Variants in CEP290 observed in about 807,000 individuals in gnomAD.
The protein encoded by CEP290 is centrosomal protein of 290 kDa.
In CEP290, 317 loss-of-function variants were observed where a neutral mutation model predicts 344.9. The observed-to-expected ratio is 0.92, with a 90% confidence interval of 0.84 to 1.01. CEP290 has a LOEUF of 1.01. CEP290 is among the 50% of genes least tolerant of loss of function. The probability of loss-of-function intolerance (pLI) is 0.00; values close to 1 mark genes in which losing one functional copy is unlikely to be tolerated. For missense variants in CEP290, 2,754 were observed against 2,761.4 expected (o/e 1.00, Z 0.06); for synonymous variants, 932 against 895.8 (o/e 1.04, Z -0.72).
Position 88,114,413 on chromosome 12 carries a change from A to G in CEP290, c.2052+7T>C. On this transcript the variant is annotated splice_region_variant and intron_variant, in intron 20 of 53. Coordinates refer to ENST00000552810, the MANE Select transcript of CEP290 (RefSeq NM_025114.4). ...GGAAAAACATTAACATGAAAAAAATAACTTACATTAACTAGTCTTTCAAGG... is the reference window on the plus strand; with the variant it reads ...GGAAAAACATTAACATGAAAAAAATGACTTACATTAACTAGTCTTTCAAGG... 1 of 1,536,620 alleles carries G rather than the reference A, an allele frequency of 6.5e-7. No individual in the cohort carries two copies. The highest frequency in any genetic ancestry group is 1.2e-5 in the South Asian group (1 of 80,868).
At chr12:88,110,980 A>T (rs1309459985) in intron 22 of CEP290, among the ~76,000 whole-genome samples, 2 of 152,186 alleles carry the variant, frequency 1.3e-5, no homozygotes, top group African/African-American at 4.8e-5. Context: ...TTTATAATCC[A>T]TCTAACATCA....
At chr12:88,095,775 C>A (rs565520595) in intron 27 of CEP290, among the ~76,000 whole-genome samples, 2 of 152,102 alleles carry the variant, frequency 1.3e-5, no homozygotes, top group African/African-American at 4.8e-5. Context: ...TCGAAAGCAG[C>A]AAATTTATTT....
intron 26 of CEP290, 101 bp downstream of exon 26, chr12:88,102,737 T>A: frequency 1.2e-6 from 1 of 838,762 alleles, no homozygotes; most frequent in Middle Eastern, 3.1e-4. Context: ...TTTATATAAA[T>A]GCAGGCAAAC....
At chr12:88,092,910 C>G (rs1383314474) in intron 28 of CEP290, 78 bp from the exon 29 acceptor site, 1 of 1,320,346 alleles carries the variant, frequency 7.6e-7, no homozygotes, top group African/African-American at 1.5e-5. Context: ...TTTTAAAGTA[C>G]TGCAATCCTC....
Position 88,106,890 on chromosome 12 carries a change from G to C in CEP290, c.2602C>G (p.Leu868Val). The C allele has an allele frequency of 6.2e-7, 1 of 1,604,434 alleles. No individual in the cohort carries two copies. Among genetic ancestry groups the C allele is most frequent in the Non-Finnish European group, 8.5e-7 (1 of 1,175,110 alleles). Residue 868 changes from leucine (L) to valine (V), a missense_variant, in exon 25 of 54, where the codon CTT becomes GTT. Leu to Val is a conservative substitution (Grantham distance 32). Transcript: ENST00000552810. Reference protein sequence around the residue: ...VKEYNNLLNALQMDSDEMKKI... With the variant: ...VKEYNNLLNAVQMDSDEMKKI... ...TTCATTTCATCCGAATCCATCTGAA[G>C]AGCATTGAGCAAATTCTGCACAAAG...
At chr12:88,115,223 A>C in intron 18 of CEP290, 41 bp from the exon 19 acceptor site, 8 of 1,041,436 alleles carry the variant, frequency 7.7e-6, no homozygotes, top group Non-Finnish European at 9.9e-6. Flanking sequence ...TTTTTCAACA[A>C]AATATCACAA....
intron 25 of CEP290, 125 bp from the exon 26 acceptor site, chr12:88,103,136 G>T: frequency 2.1e-6 from 1 of 481,082 alleles, no homozygotes; most frequent in African/African-American, 2.0e-5. Flanking sequence ...TAAAATATAT[G>T]ATTTCCCATG....
chr12:88,084,158 A>AATTT (rs1215437901), intron 35 of CEP290, among the ~76,000 whole-genome samples: 1 of 152,112 alleles, frequency 6.6e-6, no homozygotes, highest in African/African-American at 2.4e-5. Context: ...CTCAGTTCAT[A>AATTT]ATTTATTCTT....
Position 88,079,530 on chromosome 12 carries a change from T to G in CEP290, c.5227-301A>C, listed in dbSNP as rs59247112. Reference sequence around the variant, plus strand: ...GTATGTTTTGTTTTCAAACATCCAATTTTAGATATTTATATTACTCACTTA... The same window carrying G: ...GTATGTTTTGTTTTCAAACATCCAAGTTTAGATATTTATATTACTCACTTA... On this transcript the variant is annotated intron_variant, in intron 38 of 53. Transcript: ENST00000552810. Among the ~76,000 whole-genome samples the G allele has an allele frequency of 0.1, 15,308 of 152,126 alleles. 1,995 individuals carry two copies. Among genetic ancestry groups the G allele is most frequent in the African/African-American group, 0.3 (12,539 of 41,466 alleles).
rs1468057961 is a variant in CEP290, at chr12:88,130,575, A to T, written c.496-10T>A. 6.4e-7 allele frequency: 1 copy of T among 1,573,144 alleles called. No homozygotes were observed. Among genetic ancestry groups the T allele is most frequent in the Non-Finnish European group, 8.6e-7 (1 of 1,162,564 alleles). On this transcript the variant is annotated splice_polypyrimidine_tract_variant and intron_variant, in intron 7 of 53. Transcript: ENST00000552810. ...TCTTTAGACGTTTGTTCTACAGAAA[A>T]GGACAGGAAAACGGTAATTAGAAAT...
chr12:88,138,601 C>T (rs982881069), intron 5 of CEP290, among the ~76,000 whole-genome samples: 1 of 152,084 alleles, frequency 6.6e-6, no homozygotes, highest in Non-Finnish European at 1.5e-5. Flanking sequence ...CATCACCAAC[C>T]CCTCAACTTC....
At chr12:88,129,057 A>C in intron 10 of CEP290, 22 bp from the exon 11 acceptor site, 2 of 1,435,362 alleles carry the variant, frequency 1.4e-6, no homozygotes, top group Non-Finnish European at 1.9e-6. Flanking sequence ...AGTTATTTCA[A>C]GAGTTGTTGC....
intron 13 of CEP290, among the ~76,000 whole-genome samples, chr12:88,121,646 G>A (rs926389347): frequency 1.3e-5 from 2 of 151,428 alleles, no homozygotes; most frequent in Non-Finnish European, 2.9e-5. Context: ...TTAAAATAAA[G>A]GAGTAATCTC....
intron 46 of CEP290, among the ~76,000 whole-genome samples, chr12:88,061,331 T>C (rs2034462696): frequency 6.6e-6 from 1 of 152,192 alleles, no homozygotes; most frequent in Admixed American, 6.5e-5. Flanking sequence ...TTTTTCTTTA[T>C]ATGAAATAAA....
At chr12:88,071,537 A>C in intron 42 of CEP290, 88 bp from the exon 43 acceptor site, 1 of 1,101,016 alleles carries the variant, frequency 9.1e-7, no homozygotes, top group Non-Finnish European at 1.3e-6. Context: ...AATTACAATA[A>C]TTGTAACACC....
intron 13 of CEP290, among the ~76,000 whole-genome samples, chr12:88,122,183 G>A (rs1403413983): frequency 6.6e-6 from 1 of 152,104 alleles, no homozygotes; most frequent in African/African-American, 2.4e-5. Context: ...CACAGGCTGA[G>A]TTGTCCCCCA....
At chr12:88,096,056 T>G (rs973076716) in intron 27 of CEP290, among the ~76,000 whole-genome samples, 2 of 151,674 alleles carry the variant, frequency 1.3e-5, no homozygotes, top group Admixed American at 1.3e-4. Context: ...ACAAATTTTT[T>G]TTTTTTTTTG....
In CEP290 at chr12:88,140,951, C is replaced by G; in HGVS notation, c.180+5G>C. 6.4e-7 allele frequency: 1 copy of G among 1,574,168 alleles called. No homozygotes were observed. Among genetic ancestry groups the G allele is most frequent in the Non-Finnish European group, 8.6e-7 (1 of 1,163,010 alleles). ...ACCTATAGTTAAAACCTACTACATA[C>G]AAACCTTCATTAGTGACTGAGTAAT... On this transcript the variant is annotated splice_donor_5th_base_variant and intron_variant, in intron 3 of 53. Transcript: ENST00000552810.
intron 47 of CEP290, among the ~76,000 whole-genome samples, chr12:88,060,420 G>A (rs1428113517): frequency 6.6e-5 from 10 of 152,144 alleles, no homozygotes; most frequent in African/African-American, 1.9e-4. Flanking sequence ...TTAGCCAGGC[G>A]TGGTGGTGGG....
Sources: allele counts gnomAD v4.1 joint callset (sites outside exome capture counted in the v4.1 genomes callset), GRCh38; gene constraint gnomAD v4.1.1; transcripts MANE v1.5; gene names NCBI Gene and HGNC (gene_info 2026-07-23, HGNC 2026-07-21).